Variants in SLC38A8 observed in about 807,000 individuals in gnomAD.
The protein encoded by SLC38A8 is amino acid transporter SLC38A8.
Under a neutral mutation model 46.0 loss-of-function variants are expected in SLC38A8, and 65 were observed. That is an observed-to-expected ratio of 1.41 (90% CI 1.16 to 1.74). SLC38A8 has a LOEUF of 1.74. SLC38A8 is among the 40% of genes most tolerant of loss of function. The pLI is 0.00. For synonymous variants in SLC38A8, 447 were observed against 243.7 expected (o/e 1.83, Z -7.77); for missense variants, 998 against 567.9 (o/e 1.76, Z -7.70).
At chr16:84,035,396 C>T (rs569114376) in intron 3 of SLC38A8, among the ~76,000 whole-genome samples, 1 of 152,324 alleles carries the variant, frequency 6.6e-6, no homozygotes, top group South Asian at 2.1e-4. Flanking sequence ...AAGAGACACA[C>T]AGAACACACA....
intron 6 of SLC38A8, among the ~76,000 whole-genome samples, chr16:84,026,786 T>C (rs1417702643): frequency 6.6e-6 from 1 of 152,172 alleles, no homozygotes; most frequent in South Asian, 2.1e-4. Context: ...GAGGGAAGCC[T>C]GTCTTAAAAG....
intron 3 of SLC38A8, 145 bp from the exon 4 acceptor site, chr16:84,033,614 G>A (rs1470370306): frequency 5.6e-6 from 5 of 885,524 alleles, no homozygotes; most frequent in African/African-American, 5.1e-5. Flanking sequence ...CAAGTGAGAT[G>A]GAGACAGGTC....
intron 6 of SLC38A8, among the ~76,000 whole-genome samples, chr16:84,023,265 T>C (rs1345307504): frequency 2.6e-5 from 4 of 152,126 alleles, no homozygotes; most frequent in Admixed American, 1.3e-4. Flanking sequence ...GAGGCTAGTT[T>C]AGATTGTGCG....
At chr16:84,038,527 G>A (rs925374564) in intron 2 of SLC38A8, among the ~76,000 whole-genome samples, 1 of 152,102 alleles carries the variant, frequency 6.6e-6, no homozygotes, top group Non-Finnish European at 1.5e-5. Context: ...GAATACTCTG[G>A]CGTGCCTACC....
At chr16:84,028,032 G>T (rs1210232999) in intron 6 of SLC38A8, among the ~76,000 whole-genome samples, 1 of 150,286 alleles carries the variant, frequency 6.7e-6, no homozygotes, top group Non-Finnish European at 1.5e-5. Context: ...AAGAGAAATG[G>T]AAATGTTTCA....
intron 10 of SLC38A8, 98 bp downstream of exon 10, chr16:84,012,903 T>A: frequency 7.5e-7 from 1 of 1,327,292 alleles, no homozygotes; most frequent in Non-Finnish European, 1.1e-6. Flanking sequence ...ACCTGCAGGA[T>A]GCAGAGGATG....
At position 84,042,174 on chromosome 16, in the gene SLC38A8, G is replaced by C. The variant is rs367874891; in HGVS notation, c.-2-15C>G. 2.8e-5 allele frequency: 45 copies of C among 1,597,088 alleles called. No homozygotes were observed. The African/African-American group carries it at 5.1e-4, about 18-fold the overall frequency. On this transcript the variant is annotated splice_polypyrimidine_tract_variant and intron_variant, in intron 1 of 10. Transcript: ENST00000299709. The stretch of plus-strand genomic sequence containing the variant: ...TCCCTCCATGGCTAGAGGCGGCAGA[G>C]GGGTGGAGAGAAAGCACAGTCTTCA...
At chr16:84,029,691 G>A (rs567892569) in intron 5 of SLC38A8, 140 bp from the exon 6 acceptor site, 133 of 824,304 alleles carry the variant, frequency 1.6e-4, no homozygotes, top group South Asian at 7.5e-4. Flanking sequence ...GACTGTGTCC[G>A]TGACCGGGCT....
At chr16:84,032,001 T>C in intron 4 of SLC38A8, 33 bp from the exon 5 acceptor site, 3 of 1,574,148 alleles carry the variant, frequency 1.9e-6, no homozygotes, top group East Asian at 2.2e-5. Context: ...GGCTGCGCAG[T>C]GGGTGACATG....
intron 2 of SLC38A8, among the ~76,000 whole-genome samples, chr16:84,037,494 C>T (rs775477341): frequency 6.6e-6 from 1 of 152,346 alleles, no homozygotes; most frequent in African/African-American, 2.4e-5. Context: ...GGCACAGTGG[C>T]TCATGCCTGC....
chr16:84,020,960 G>A (rs895750631), intron 7 of SLC38A8, among the ~76,000 whole-genome samples: 5 of 151,930 alleles, frequency 3.3e-5, no homozygotes, highest in African/African-American at 7.3e-5. Flanking sequence ...GTCATTTTTT[G>A]CCTGTTCCAG....
intron 10 of SLC38A8, among the ~76,000 whole-genome samples, chr16:84,010,147 T>C (rs547840729): frequency 6.9e-6 from 1 of 144,242 alleles, no homozygotes; most frequent in South Asian, 2.2e-4. Context: ...CTCGGCTCAC[T>C]GCAGCCTCCA....
intron 2 of SLC38A8, among the ~76,000 whole-genome samples, chr16:84,037,459 T>A (rs1405120974): frequency 6.6e-6 from 1 of 152,138 alleles, no homozygotes; most frequent in Non-Finnish European, 1.5e-5. Flanking sequence ...AGCGTGTCAG[T>A]GCTCAAGAAA....
chr16:84,016,473 C>A (rs767923759), intron 9 of SLC38A8, 46 bp downstream of exon 9: 2 of 1,594,768 alleles, frequency 1.3e-6, no homozygotes, highest in Non-Finnish European at 1.7e-6. Flanking sequence ...CAGAGATGAG[C>A]AGGGAAGAAC....
chr16:84,026,627 G>A (rs1319697825), intron 6 of SLC38A8, among the ~76,000 whole-genome samples: 1 of 152,226 alleles, frequency 6.6e-6, no homozygotes, highest in Admixed American at 6.5e-5. Context: ...GAAGGAGACA[G>A]GAAGACGACA....
rs770584497 is a variant in SLC38A8, at chr16:84,036,876, C to T, written c.214G>A (p.Gly72Arg). The T allele has an allele frequency of 8.1e-6, 13 of 1,612,834 alleles. No individual in the cohort carries two copies. In the Admixed American group the frequency reaches 8.3e-5, roughly 10 times the overall value. ...ELVSLVFLIS[G>R]LVILGYAAAV... ...GCAGCATAGCCCAGGATGACCAGCC[C>T]GCTGATCAGGAAGACCAACGAGACC... The change falls in exon 3 of 11, where the codon GGG (glycine) becomes AGG (arginine). Residue 72 changes from glycine to arginine, a missense_variant. Physicochemically the swap from Gly to Arg is moderately radical, Grantham distance 125. Coordinates refer to ENST00000299709, the MANE Select transcript of SLC38A8 (RefSeq NM_001080442.3).
At chr16:84,032,952 G>A (rs2085261512) in intron 4 of SLC38A8, among the ~76,000 whole-genome samples, 1 of 139,732 alleles carries the variant, frequency 7.2e-6, no homozygotes, top group Admixed American at 6.9e-5. Flanking sequence ...GGGTGGGTGT[G>A]GGTAGGTGGG....
At chr16:84,016,932 T>C (rs1364384295) in intron 8 of SLC38A8, among the ~76,000 whole-genome samples, 1 of 152,168 alleles carries the variant, frequency 6.6e-6, no homozygotes, top group Non-Finnish European at 1.5e-5. Context: ...ATGAAGCACG[T>C]GGTTCGCATT....
chr16:84,012,828 T>C (rs1003621343), intron 10 of SLC38A8, among the ~76,000 whole-genome samples, 173 bp downstream of exon 10: 1 of 152,178 alleles, frequency 6.6e-6, no homozygotes, highest in African/African-American at 2.4e-5. Context: ...CGGGCTCCTA[T>C]CCTGGCTCAG....
Sources: allele counts gnomAD v4.1 joint callset (sites outside exome capture counted in the v4.1 genomes callset), GRCh38; gene constraint gnomAD v4.1.1; transcripts MANE v1.5; gene names NCBI Gene and HGNC (gene_info 2026-07-23, HGNC 2026-07-21).